Variants in SDAD1 observed in about 807,000 individuals in gnomAD.
SDAD1 encodes SDA1 domain containing 1.
A neutral mutation model predicts 100.3 loss-of-function variants in SDAD1; 79 were observed. That is an observed-to-expected ratio of 0.79 (90% CI 0.66 to 0.95). SDAD1 has a LOEUF of 0.95. Among genes scored for constraint, SDAD1 ranks in the 40% least tolerant of loss-of-function variants. The pLI, the probability that SDAD1 is intolerant of heterozygous loss-of-function variation, is 0.00. For missense variants in SDAD1, 790 were observed against 810.9 expected, an observed-to-expected ratio of 0.97 and a Z score of 0.31; for synonymous variants, 267 against 271.4, an observed-to-expected ratio of 0.98 and a Z score of 0.16.
intron 6 of SDAD1, 107 bp downstream of exon 6, chr4:75,975,637 G>T: frequency 4.4e-6 from 3 of 686,402 alleles, no homozygotes; most frequent in Non-Finnish European, 5.0e-6. Flanking sequence ...TATGACATAA[G>T]TATATTAAAG....
chr4:75,969,387 T>A lies in SDAD1; in HGVS notation c.896A>T (p.Lys299Ile), dbSNP rs1237708247. Residue 299 changes from lysine to isoleucine, a missense_variant, in exon 11 of 22, where the codon AAA becomes ATA. Lys to Ile is a moderately radical substitution (Grantham distance 102, BLOSUM62 -3). Coordinates refer to ENST00000356260, the MANE Select transcript of SDAD1 (RefSeq NM_018115.4). ...ACAGCACTCAAGCTGCTTTAGTAGT[T>A]TTTCCGCAAAATCTGGCAAGGAGAG... ...LIHDPQDFAEKLLKQLECCKE... is the reference protein window; with the variant it reads ...LIHDPQDFAEILLKQLECCKE... 6.2e-7 allele frequency: 1 copy of A among 1,613,260 alleles called. No homozygotes were observed. The highest frequency in any genetic ancestry group is 2.2e-5 in the East Asian group (1 of 44,854).
rs1328110498 is a variant in SDAD1 at position 75,969,347 on chromosome 4, T to C, written c.936A>G (p.Glu312=). Residue 312 remains glutamate (E), a synonymous_variant, in exon 11 of 22, where the codon GAA becomes GAG. Transcript: ENST00000356260. ...KQLECCKERF[E]VKMMLMNLIS... ...TAAGGTTCATGAGCATCATCTTCAC[T>C]TCAAACCTCTCCTTACAGCACTCAA... 1 of 1,613,858 alleles carries C rather than the reference T, an allele frequency of 6.2e-7. No homozygotes were observed. The highest frequency in any genetic ancestry group is 1.3e-5 in the African/African-American group (1 of 74,930).
At chr4:75,952,220 G>A (rs1728660769) in intron 21 of SDAD1, among the ~76,000 whole-genome samples, 1 of 152,178 alleles carries the variant, frequency 6.6e-6, no homozygotes. Flanking sequence ...TGCACATACT[G>A]TTGTATACTG....
At chr4:75,982,091 TAC>T in intron 1 of SDAD1, 54 bp from the exon 2 acceptor site, 1 of 1,052,922 alleles carries the variant, frequency 9.5e-7, no homozygotes, top group Admixed American at 2.2e-5. Flanking sequence ...ACTTTCTCAG[TAC>T]AGACATTCAG....
At chr4:75,987,275 G>C (rs1315273458) in intron 1 of SDAD1, among the ~76,000 whole-genome samples, 1 of 152,102 alleles carries the variant, frequency 6.6e-6, no homozygotes, top group Admixed American at 6.5e-5. Flanking sequence ...CAATCCATTA[G>C]CAGTTATTTC....
At chr4:75,965,663 T>C (rs1190453553) in intron 13 of SDAD1, 101 bp downstream of exon 13, 10 of 904,994 alleles carry the variant, frequency 1.1e-5, no homozygotes, top group Admixed American at 2.1e-5. Flanking sequence ...AAAACCCACG[T>C]TGAATTATCG....
intron 13 of SDAD1, 105 bp downstream of exon 13, chr4:75,965,659 C>G (rs1578125917): frequency 2.3e-6 from 2 of 868,998 alleles, no homozygotes; most frequent in South Asian, 2.9e-5. Flanking sequence ...GAAAAAAACC[C>G]ACGTTGAATT....
Position 75,967,305 on chromosome 4 carries a change from C to G in SDAD1, c.1017G>C (p.Leu339Phe), listed in dbSNP as rs1354145249. 1 of 1,613,544 alleles carries G rather than the reference C, an allele frequency of 6.2e-7. No individual in the cohort carries two copies. Among genetic ancestry groups the G allele is most frequent in the African/African-American group, 1.3e-5 (1 of 74,802 alleles). The change falls in exon 12 of 22, where the codon TTG becomes TTC. Residue 339 changes from leucine (L) to phenylalanine (F), a missense_variant. Physicochemically the swap from Leu to Phe is conservative, Grantham distance 22. Coordinates refer to ENST00000356260, the MANE Select transcript of SDAD1 (RefSeq NM_018115.4). ...ELFLFNFYPF[L>F]QRFLQPHQRE... ...TTTGGTGGGGCTGCAGAAACCTTTG[C>G]AAAAAGGGATAGAAATTGAAGAGGA...
chr4:75,958,427 G>A (rs1729029541), intron 17 of SDAD1, among the ~76,000 whole-genome samples: 1 of 152,196 alleles, frequency 6.6e-6, no homozygotes, highest in Non-Finnish European at 1.5e-5. Context: ...TCAGACAACT[G>A]AGGTAGAATA....
intron 1 of SDAD1, among the ~76,000 whole-genome samples, chr4:75,985,971 T>G (rs989345944): frequency 6.6e-6 from 1 of 152,124 alleles, no homozygotes; most frequent in African/African-American, 2.4e-5. Flanking sequence ...ATCACCTCCA[T>G]GCGTATACTT....
Position 75,967,305 on chromosome 4 carries a change from CAA to C in SDAD1, c.1015_1016del (p.Leu339AlafsTer72). ...TTTGGTGGGGCTGCAGAAACCTTTG[CAA>C]AAAGGGATAGAAATTGAAGAGGAAA... ...ELFLFNFYPF[L>X]QRFLQPHQRE... On this transcript the variant is annotated frameshift_variant, in exon 12 of 22. Transcript: ENST00000356260. LOFTEE classifies it high-confidence loss of function. 2 of 1,613,660 alleles carry C rather than the reference CAA, an allele frequency of 1.2e-6. No individual in the cohort carries two copies. Among genetic ancestry groups the C allele is most frequent in the Non-Finnish European group, 1.7e-6 (2 of 1,179,840 alleles).
chr4:75,970,107 A>G (rs1257601966), intron 10 of SDAD1, among the ~76,000 whole-genome samples: 1 of 151,968 alleles, frequency 6.6e-6, no homozygotes, highest in Non-Finnish European at 1.5e-5. Flanking sequence ...CCGTTTTTCC[A>G]TATTTTTCTT....
chr4:75,963,858 G>A (rs1377696000), intron 14 of SDAD1, among the ~76,000 whole-genome samples: 1 of 152,128 alleles, frequency 6.6e-6, no homozygotes. Context: ...GAGATCAGAA[G>A]AAAAGCACTT....
At chr4:75,954,185 T>A (rs1728759051) in intron 21 of SDAD1, among the ~76,000 whole-genome samples, 1 of 151,878 alleles carries the variant, frequency 6.6e-6, no homozygotes, top group Non-Finnish European at 1.5e-5. Flanking sequence ...ATCAAGACCA[T>A]CCTGGCTAAC....
chr4:75,953,482 G>A (rs1436647859), intron 21 of SDAD1, among the ~76,000 whole-genome samples: 1 of 152,202 alleles, frequency 6.6e-6, no homozygotes, highest in Non-Finnish European at 1.5e-5. Flanking sequence ...TTAGGAGAAT[G>A]TGGCAAAATT....
At chr4:75,956,990 A>G (rs181142503) in intron 20 of SDAD1, among the ~76,000 whole-genome samples, 164 of 152,270 alleles carry the variant, frequency 1.1e-3, no homozygotes, top group African/African-American at 3.8e-3. Flanking sequence ...GACACCTGTT[A>G]CCCCAGCTAC....
chr4:75,970,297 A>G lies in SDAD1; in HGVS notation c.883+12T>C. 1 of 1,610,380 alleles carries G rather than the reference A, an allele frequency of 6.2e-7. No homozygotes were observed. The highest frequency in any genetic ancestry group is 1.3e-5 in the African/African-American group (1 of 74,954). On this transcript the variant is annotated intron_variant, in intron 10 of 21. Coordinates refer to ENST00000356260, the MANE Select transcript of SDAD1 (RefSeq NM_018115.4). ...AAGGCCAACAAGGAACTCGGACGTCATAATAACGTACCTTGGGGATCATGA... is the reference window on the plus strand; with the variant it reads ...AAGGCCAACAAGGAACTCGGACGTCGTAATAACGTACCTTGGGGATCATGA...
intron 15 of SDAD1, 25 bp downstream of exon 15, chr4:75,961,186 G>A: frequency 6.2e-7 from 1 of 1,602,068 alleles, no homozygotes; most frequent in Non-Finnish European, 8.6e-7. Context: ...ACTCTTTGGT[G>A]TGTAGAGAGT....
Position 75,977,738 on chromosome 4 carries a change from T to A in SDAD1, c.313A>T (p.Ile105Phe). The part of the protein sequence containing the change: ...DLRMTFCKAL[I>F]LLRNKNLINP... ...ATGAGATTCTTATTTCTCAGCAAGA[T>A]CAAAGCTTTGCAAAATGTCTCGGGA... Residue 105 changes from isoleucine (I) to phenylalanine (F), a missense_variant, in exon 4 of 22, where the codon ATC (isoleucine) becomes TTC (phenylalanine). By Grantham distance (21) the Ile-to-Phe change is conservative. Coordinates refer to ENST00000356260, the MANE Select transcript of SDAD1 (RefSeq NM_018115.4). 1 of 1,610,864 alleles carries A rather than the reference T, an allele frequency of 6.2e-7. No individual in the cohort carries two copies. Among genetic ancestry groups the A allele is most frequent in the Non-Finnish European group, 8.5e-7 (1 of 1,178,268 alleles).
Sources: allele counts gnomAD v4.1 joint callset (sites outside exome capture counted in the v4.1 genomes callset), GRCh38; gene constraint gnomAD v4.1.1; transcripts MANE v1.5; gene names NCBI Gene and HGNC (gene_info 2026-07-23, HGNC 2026-07-21).